Variants in TXNL4A observed in about 807,000 individuals in gnomAD.
TXNL4A encodes the protein thioredoxin like 4A.
TXNL4A carries 17 observed loss-of-function variants against 14.6 expected under a neutral mutation model. That is an observed-to-expected ratio of 1.16 (90% confidence interval 0.80 to 1.74). The LOEUF is 1.74. TXNL4A is among the 40% of genes most tolerant of loss of function. The pLI is 0.00. For synonymous variants in TXNL4A, 83 were observed against 70.6 expected (o/e 1.18, Z -0.88); for missense variants, 74 against 195.2 (o/e 0.38, Z 3.70).
At chr18:80,022,254 G>C (rs1370710999) in intron 1 of TXNL4A, among the ~76,000 whole-genome samples, 1 of 152,148 alleles carries the variant, frequency 6.6e-6, no homozygotes, top group Non-Finnish European at 1.5e-5. Context: ...TAATGATCTG[G>C]CTATTGTGGG....
rs1754025455 is a variant in TXNL4A, at chr18:79,972,240, G to A, written c.*1445C>T. The A allele has an allele frequency of 1.3e-5, 2 of 152,260 alleles. No homozygotes were observed. The allele number at this position is 152,260 out of a possible 1,614,324, so 9.4% of individuals were successfully genotyped here. On this transcript the variant is annotated 3_prime_UTR_variant, in exon 3 of 3. Coordinates refer to ENST00000269601, the MANE Select transcript of TXNL4A (RefSeq NM_006701.5). ...CACTATTATCCGCCTTTACCAAGGA[G>A]GAAACAAAGCTCAGAGAAGGTACCC...
intron 1 of TXNL4A, among the ~76,000 whole-genome samples, chr18:79,997,523 G>A (rs989111510): frequency 1.3e-5 from 2 of 152,116 alleles, no homozygotes; most frequent in African/African-American, 4.8e-5. Flanking sequence ...GTACCAGCTA[G>A]TATTTCTCAG....
intron 1 of TXNL4A, among the ~76,000 whole-genome samples, chr18:80,005,400 T>C (rs575069277): frequency 1.3e-5 from 2 of 152,324 alleles, no homozygotes; most frequent in African/African-American, 4.8e-5. Context: ...TATGCTGTCT[T>C]TCTTAGGGTG....
chr18:80,002,126 C>G (rs1415753709), intron 1 of TXNL4A, among the ~76,000 whole-genome samples: 2 of 152,162 alleles, frequency 1.3e-5, no homozygotes, highest in Non-Finnish European at 2.9e-5. Flanking sequence ...CTCACAAGAT[C>G]TGATGGTTTT....
chr18:80,025,183 A>G (rs1321641348), intron 1 of TXNL4A, among the ~76,000 whole-genome samples: 1 of 152,188 alleles, frequency 6.6e-6, no homozygotes, highest in Non-Finnish European at 1.5e-5. Flanking sequence ...TGGGAGAGTT[A>G]TTTTCAGTGG....
At chr18:80,012,446 T>C (rs2051776319) in intron 1 of TXNL4A, among the ~76,000 whole-genome samples, 1 of 152,320 alleles carries the variant, frequency 6.6e-6, no homozygotes, top group African/African-American at 2.4e-5. Context: ...CCACTGCCAC[T>C]ATAGTGCCTG....
At chr18:79,998,081 C>G (rs1369784177) in intron 1 of TXNL4A, among the ~76,000 whole-genome samples, 1 of 152,042 alleles carries the variant, frequency 6.6e-6, no homozygotes. Context: ...ATCACGAGGT[C>G]AGGAGATCGA....
At chr18:80,023,289 G>C (rs2051862089) in intron 1 of TXNL4A, among the ~76,000 whole-genome samples, 1 of 152,110 alleles carries the variant, frequency 6.6e-6, no homozygotes, top group South Asian at 2.1e-4. Flanking sequence ...TTACAAATAG[G>C]ACATGTTGCC....
At chr18:80,004,131 A>T (rs1217694542) in intron 1 of TXNL4A, among the ~76,000 whole-genome samples, 1 of 9,370 alleles carries the variant, frequency 1.1e-4, no homozygotes, top group Non-Finnish European at 4.9e-4. Context: ...AAGCTACTTA[A>T]AAAAAAAAAA....
At chr18:79,997,170 ACT>A (rs1242629593) in intron 1 of TXNL4A, among the ~76,000 whole-genome samples, 1 of 151,972 alleles carries the variant, frequency 6.6e-6, no homozygotes, top group Non-Finnish European at 1.5e-5. Context: ...TCCCACTTAT[ACT>A]CTCAGTCAAA....
chr18:79,980,936 C>G (rs537526552), intron 1 of TXNL4A, among the ~76,000 whole-genome samples: 1 of 152,380 alleles, frequency 6.6e-6, no homozygotes, highest in African/African-American at 2.4e-5. Context: ...ACGCCCATTT[C>G]TGAAACTCTA....
rs772451317 is a variant in TXNL4A, at chr18:79,993,763, C to T, written c.-60-16062G>A. On this transcript the variant is annotated intron_variant, in intron 1 of 2. Coordinates refer to the TXNL4A transcript ENST00000585474. The surrounding 1 kb of genome is among the most constrained non-coding windows in gnomAD (Gnocchi z 4.4). Reference sequence around the variant, plus strand: ...GGGGCATTCTTAGGCAACTGAGAATCGCGTGAGGGTGTCTGGGAGGAAAGC... The same window carrying T: ...GGGGCATTCTTAGGCAACTGAGAATTGCGTGAGGGTGTCTGGGAGGAAAGC... 3.3e-5 allele frequency among the ~76,000 whole-genome samples: 5 copies of T among 152,116 alleles called. No individual in the cohort carries two copies. Among genetic ancestry groups the T allele is most frequent in the Admixed American group, 6.5e-5 (1 of 15,270 alleles).
At chr18:79,976,185 C>T (rs1165304998) in intron 2 of TXNL4A, among the ~76,000 whole-genome samples, 22 of 152,190 alleles carry the variant, frequency 1.4e-4, no homozygotes, top group Non-Finnish European at 5.9e-5. Flanking sequence ...GGAGTTCAAG[C>T]TTGCTGTGAT....
At chr18:80,012,738 T>A (rs111911046) in intron 1 of TXNL4A, among the ~76,000 whole-genome samples, 9 of 152,326 alleles carry the variant, frequency 5.9e-5, no homozygotes, top group African/African-American at 2.2e-4. Context: ...AGACACAGAA[T>A]GTCCTGGCCA....
At position 79,980,342 on chromosome 18, in the gene TXNL4A, G is replaced by A. The variant is rs1457482060; in HGVS notation, c.154-2641C>T. Among the ~76,000 whole-genome samples, 7 of 152,152 alleles carry A rather than the reference G, an allele frequency of 4.6e-5. No individual in the cohort carries two copies. In the East Asian group the frequency reaches 7.7e-4, roughly 17 times the overall value. ...TGCAGCATCCTCTCACAGCAGTCAC[G>A]GGAAATCAATGGGATATGCACAACA... is the stretch of plus-strand genomic sequence containing the variant. On this transcript the variant is annotated intron_variant, in intron 1 of 2. Transcript: ENST00000269601.
chr18:80,022,292 C>T (rs551701255), intron 1 of TXNL4A, among the ~76,000 whole-genome samples: 31 of 151,970 alleles, frequency 2.0e-4, no homozygotes, highest in Admixed American at 5.2e-4. Flanking sequence ...AAGTTTTTTT[C>T]GAGGGTTCCC....
intron 1 of TXNL4A, among the ~76,000 whole-genome samples, chr18:79,981,931 A>G (rs2051470508): frequency 6.8e-6 from 1 of 147,806 alleles, no homozygotes; most frequent in Non-Finnish European, 1.5e-5. Context: ...AATTCTTTCA[A>G]CACCTCTAAA....
intron 1 of TXNL4A, among the ~76,000 whole-genome samples, chr18:80,009,843 T>G (rs767462174): frequency 1.1e-4 from 17 of 152,158 alleles, no homozygotes; most frequent in Admixed American, 2.6e-4. Context: ...TGCGCAGTGT[T>G]TACTGAAATT....
At chr18:80,004,129 TA>T (rs11306129) in intron 1 of TXNL4A, among the ~76,000 whole-genome samples, 111,542 of 145,564 alleles carry the variant, frequency 0.77, 43,266 homozygotes, top group East Asian at 0.9. Context: ...ATAAGCTACT[TA>T]AAAAAAAAAA....
Sources: allele counts gnomAD v4.1 joint callset (sites outside exome capture counted in the v4.1 genomes callset), GRCh38; gene constraint gnomAD v4.1.1; non-coding constraint Gnocchi (gnomAD v3.1); transcripts MANE v1.5; gene names NCBI Gene and HGNC (gene_info 2026-07-23, HGNC 2026-07-21).